GLT1D1: variants seen among roughly 807,000 people sequenced by gnomAD.
GLT1D1 encodes glycosyltransferase 1 domain containing 1.
In GLT1D1, 21 loss-of-function variants were observed where a neutral mutation model predicts 28.7. The ratio of observed to expected loss-of-function variants is 0.73; its 90% CI spans 0.52 to 1.05. The LOEUF is 1.05. Among genes scored for constraint, GLT1D1 ranks in the 50% least tolerant of loss-of-function variants. The probability of loss-of-function intolerance (pLI) is 0.00; values close to 1 mark genes in which losing one functional copy is unlikely to be tolerated. For missense variants in GLT1D1, 343 were observed against 330.6 expected (o/e 1.04, Z -0.29); for synonymous variants, 147 against 124.8 (o/e 1.18, Z -1.19).
chr12:128,895,739 G>A (rs1407171040), intron 3 of GLT1D1, among the ~76,000 whole-genome samples: 3 of 152,032 alleles, frequency 2.0e-5, no homozygotes, highest in South Asian at 2.1e-4. Flanking sequence ...GATTACAGGC[G>A]TGAACCACCG....
chr12:128,972,114 T>C (rs1879240408), intron 7 of GLT1D1, among the ~76,000 whole-genome samples: 1 of 152,024 alleles, frequency 6.6e-6, no homozygotes, highest in Admixed American at 6.6e-5. Context: ...CTGGGCTGCA[T>C]GCGGGGCAAA....
At position 128,901,484 on chromosome 12, in the gene GLT1D1, T is replaced by C. The variant is rs190005815; in HGVS notation, c.375+2197T>C. 3.8e-4 allele frequency among the ~76,000 whole-genome samples: 58 copies of C among 151,080 alleles called. No homozygotes were observed. In the East Asian group the frequency reaches 0.011, roughly 28 times the overall value. ...TGGAGTCTCGCTCTGTCGCCCAGGC[T>C]GGAGTGCAGTGGCGCGATCTCGGCT... is the stretch of plus-strand genomic sequence containing the variant. On this transcript the variant is annotated intron_variant, in intron 4 of 7. Transcript: ENST00000281703.
chr12:128,926,313 T>C, intron 4 of GLT1D1, 46 bp from the exon 7 acceptor site: 1 of 998,466 alleles, frequency 1.0e-6, no homozygotes, highest in Non-Finnish European at 1.5e-6. Context: ...TACTGCAGCA[T>C]CCAGAGCCCT....
At chr12:128,885,411 T>TG (rs1180193401) in intron 2 of GLT1D1, among the ~76,000 whole-genome samples, 1 of 152,052 alleles carries the variant, frequency 6.6e-6, no homozygotes, top group Non-Finnish European at 1.5e-5. Flanking sequence ...TTAGTAGAGA[T>TG]GGGGTTTCAC....
intron 2 of GLT1D1, among the ~76,000 whole-genome samples, chr12:128,885,610 G>A (rs562847080): frequency 2.0e-5 from 3 of 152,278 alleles, no homozygotes; most frequent in South Asian, 2.1e-4. Context: ...TGTTCTAGGC[G>A]GAGAAGCAGA....
At chr12:128,857,649 T>C (rs1348399259) in intron 1 of GLT1D1, among the ~76,000 whole-genome samples, 2 of 152,118 alleles carry the variant, frequency 1.3e-5, no homozygotes, top group Admixed American at 6.5e-5. Context: ...CTCCAAAATC[T>C]CTGCCAAAGA....
intron 7 of GLT1D1, among the ~76,000 whole-genome samples, chr12:128,965,073 T>C (rs907958734): frequency 1.3e-5 from 2 of 152,214 alleles, no homozygotes; most frequent in African/African-American, 4.8e-5. Context: ...GGTGTTCGGC[T>C]GTTATGGTAG....
intron 4 of GLT1D1, among the ~76,000 whole-genome samples, chr12:128,928,176 A>C (rs1873477892): frequency 6.6e-6 from 1 of 152,100 alleles, no homozygotes; most frequent in South Asian, 2.1e-4. Flanking sequence ...TAAATTGCTC[A>C]ACAAACTTGG....
intron 7 of GLT1D1, among the ~76,000 whole-genome samples, chr12:128,958,613 A>C (rs532951): frequency 0.97 from 133,985 of 138,438 alleles, 64,882 homozygotes; most frequent in East Asian, 1. Context: ...AAAAGCTGGG[A>C]ATGGTGCATG....
intron 4 of GLT1D1, among the ~76,000 whole-genome samples, chr12:128,925,466 G>A (rs1873111303): frequency 6.6e-6 from 1 of 152,216 alleles, no homozygotes; most frequent in Admixed American, 6.5e-5. Context: ...TTAGTTTGCT[G>A]AGGATAATGG....
At chr12:128,874,500 T>TTTTTTGG (rs1956826543) in intron 1 of GLT1D1, among the ~76,000 whole-genome samples, 1 of 141,284 alleles carries the variant, frequency 7.1e-6, no homozygotes, top group Non-Finnish European at 1.5e-5. Flanking sequence ...TTTTTTTTTT[T>TTTTTTGG]GAGACAGGGT....
chr12:128,874,059 C>CCCTTCTTTCTTT (rs1555261542), intron 1 of GLT1D1, among the ~76,000 whole-genome samples: 1 of 34,694 alleles, frequency 2.9e-5, no homozygotes, highest in African/African-American at 1.5e-4. Flanking sequence ...CTCCCTCCCT[C>CCCTTCTTTCTTT]CTTTCTTTCT....
chr12:128,881,163 G>T lies in GLT1D1; in HGVS notation c.217+5101G>T, dbSNP rs1278914169. 2.1e-5 allele frequency among the ~76,000 whole-genome samples: 3 copies of T among 145,036 alleles called. No homozygotes were observed. The East Asian group carries it at 6.3e-4, about 30-fold the overall frequency. ...GGCGTGAACCCGGGAGGCGGAGCTT[G>T]CAGTGAGCCGAGATCCTGCCACTGC... On this transcript the variant is annotated intron_variant, in intron 2 of 7. Coordinates refer to ENST00000281703, the MANE Select transcript of GLT1D1 (RefSeq NM_144669.3).
chr12:128,864,397 C>G (rs12424536), intron 1 of GLT1D1, among the ~76,000 whole-genome samples: 4,364 of 151,922 alleles, frequency 0.029, 205 homozygotes, highest in Admixed American at 0.11. Flanking sequence ...AGGAATTTCC[C>G]AAGCAGAAGG....
At chr12:128,932,744 C>T (rs984243798) in intron 4 of GLT1D1, among the ~76,000 whole-genome samples, 3 of 152,098 alleles carry the variant, frequency 2.0e-5, no homozygotes, top group Admixed American at 1.3e-4. Flanking sequence ...TCTTCAGCCT[C>T]GGGGGGCCTT....
intron 4 of GLT1D1, among the ~76,000 whole-genome samples, chr12:128,925,859 C>G (rs1305414596): frequency 6.6e-6 from 1 of 152,010 alleles, no homozygotes; most frequent in African/African-American, 2.4e-5. Flanking sequence ...TTTTTCCCAC[C>G]AGAAATCATT....
At chr12:128,949,074 G>A (rs1313772481) in intron 6 of GLT1D1, among the ~76,000 whole-genome samples, 4 of 152,126 alleles carry the variant, frequency 2.6e-5, no homozygotes, top group African/African-American at 9.7e-5. Flanking sequence ...TGCAGTCCTC[G>A]GGGCAATACA....
intron 4 of GLT1D1, among the ~76,000 whole-genome samples, chr12:128,913,727 G>A (rs894429951): frequency 6.6e-6 from 1 of 152,230 alleles, no homozygotes; most frequent in African/African-American, 2.4e-5. Context: ...TGTCCTTGCT[G>A]CATTGGCTTC....
chr12:128,858,971 G>T (rs764205279), intron 1 of GLT1D1, among the ~76,000 whole-genome samples: 1 of 152,008 alleles, frequency 6.6e-6, no homozygotes, highest in Admixed American at 6.6e-5. Context: ...CTTCCTCCCC[G>T]CAACCCCCAT....
Sources: gnomAD v4.1 joint callset for allele counts (sites outside exome capture counted in the v4.1 genomes callset) on GRCh38, gnomAD v4.1.1 for gene constraint, MANE v1.5 for transcripts, NCBI Gene and HGNC (gene_info 2026-07-23, HGNC 2026-07-21) for gene names.